Variants in RBPJ observed in about 807,000 individuals in gnomAD.
RBPJ encodes recombining binding protein suppressor of hairless.
A neutral mutation model predicts 67.8 loss-of-function variants in RBPJ; 9 were observed. The observed-to-expected ratio is 0.13, with a 90% CI of 0.08 to 0.23. The LOEUF is 0.23. Ranked by LOEUF, RBPJ falls within the 10% of genes least tolerant of loss-of-function variation. The probability of loss-of-function intolerance (pLI) is 1.00; values close to 1 mark genes in which losing one functional copy is unlikely to be tolerated. For synonymous variants in RBPJ, 198 were observed against 203.3 expected (o/e 0.97, Z 0.22); for missense variants, 305 against 595.6 (o/e 0.51, Z 5.08).
At position 26,264,128 on chromosome 4, in the gene RBPJ, C is replaced by T. The variant is rs966546193; in HGVS notation, c.-166-98318C>T. 6.6e-6 allele frequency among the ~76,000 whole-genome samples: 1 copy of T among 151,968 alleles called. No individual in the cohort carries two copies. The highest frequency in any genetic ancestry group is 2.4e-5 in the African/African-American group (1 of 41,318). On this transcript the variant is annotated intron_variant, in intron 1 of 4. Coordinates refer to the RBPJ transcript ENST00000512351. This position sits in a 1 kb window ranked among gnomAD's most constrained non-coding sequence, Gnocchi z 4.1. ...TGAACTCTCGACTCAGGTGATCCAC[C>T]CAACTCAACCTCCCAAAGTGCTGGG...
chr4:26,383,653 C>G (rs559043877), intron 1 of RBPJ, among the ~76,000 whole-genome samples: 42 of 152,204 alleles, frequency 2.8e-4, no homozygotes, highest in African/African-American at 1.0e-3. Flanking sequence ...GTACACTATT[C>G]TATATATAAC....
chr4:26,392,158 A>T (rs1449389423), intron 2 of RBPJ, among the ~76,000 whole-genome samples: 1 of 152,230 alleles, frequency 6.6e-6, no homozygotes, highest in Non-Finnish European at 1.5e-5. Context: ...ATACCTGTTA[A>T]AATGTCTGAA....
chr4:26,182,767 G>A (rs1717056254), intron 1 of RBPJ, among the ~76,000 whole-genome samples: 1 of 151,958 alleles, frequency 6.6e-6, no homozygotes, highest in South Asian at 2.1e-4. Context: ...CCAAAGTACT[G>A]CGATTACCGG....
At chr4:26,106,236 A>G in the RBPJ span, among the ~76,000 whole-genome samples, 2 of 152,256 alleles carry the variant, frequency 1.3e-5, no homozygotes, top group African/African-American at 4.8e-5. Context: ...AAAGTCAAAC[A>G]GTATTTTCCA....
chr4:26,176,349 T>C (rs1716795332), intron 1 of RBPJ, among the ~76,000 whole-genome samples: 1 of 152,164 alleles, frequency 6.6e-6, no homozygotes, highest in Admixed American at 6.5e-5. Context: ...CCAGACTCAC[T>C]GAGTTTAAAA....
At chr4:26,251,824 G>C (rs1456914989) in intron 1 of RBPJ, among the ~76,000 whole-genome samples, 1 of 143,736 alleles carries the variant, frequency 7.0e-6, no homozygotes, top group Non-Finnish European at 1.5e-5. Context: ...CTCCAGCCTG[G>C]GTGACAGAGC....
At chr4:26,131,349 T>C in the RBPJ span, among the ~76,000 whole-genome samples, 1 of 152,128 alleles carries the variant, frequency 6.6e-6, no homozygotes, top group Non-Finnish European at 1.5e-5. Context: ...AGCAATTTTT[T>C]AAAAAATGTT....
the RBPJ span, among the ~76,000 whole-genome samples, chr4:26,122,957 A>G: frequency 6.6e-6 from 1 of 152,206 alleles, no homozygotes; most frequent in African/African-American, 2.4e-5. Context: ...TAGCTGCTCT[A>G]ACAGAAACTC....
intron 1 of RBPJ, among the ~76,000 whole-genome samples, chr4:26,205,322 A>G (rs985598025): frequency 1.3e-5 from 2 of 152,204 alleles, no homozygotes; most frequent in African/African-American, 4.8e-5. Context: ...CACAGTGTAG[A>G]AGAACCCAAC....
chr4:26,115,662 A>G, the RBPJ span, among the ~76,000 whole-genome samples: 2 of 152,164 alleles, frequency 1.3e-5, no homozygotes, highest in Non-Finnish European at 2.9e-5. Flanking sequence ...GGGATTCAGT[A>G]TAAGTTTTAA....
chr4:26,200,809 A>T (rs947776923), intron 1 of RBPJ, among the ~76,000 whole-genome samples: 4 of 152,092 alleles, frequency 2.6e-5, no homozygotes, highest in Non-Finnish European at 5.9e-5. Context: ...CCTTACTGTG[A>T]TTAGGTGCTT....
chr4:26,196,652 A>C (rs1717775075), intron 1 of RBPJ, among the ~76,000 whole-genome samples: 1 of 152,244 alleles, frequency 6.6e-6, no homozygotes, highest in Non-Finnish European at 1.5e-5. Context: ...CGAATTCCAC[A>C]CTTCTTGATT....
At chr4:26,356,631 A>C (rs1023643151) in intron 1 of RBPJ, among the ~76,000 whole-genome samples, 11 of 152,178 alleles carry the variant, frequency 7.2e-5, no homozygotes, top group African/African-American at 2.7e-4. Context: ...ATCAGTGTAT[A>C]TTTAGGGTTG....
intron 1 of RBPJ, among the ~76,000 whole-genome samples, chr4:26,279,541 G>A (rs562436937): frequency 3.3e-5 from 5 of 152,270 alleles, no homozygotes; most frequent in South Asian, 2.1e-4. Flanking sequence ...CTCCCAAAGC[G>A]TTGGGATTAA....
At chr4:26,356,569 T>C (rs977673571) in intron 1 of RBPJ, among the ~76,000 whole-genome samples, 9 of 152,202 alleles carry the variant, frequency 5.9e-5, no homozygotes, top group African/African-American at 2.2e-4. Context: ...ACAGTTTGGG[T>C]TTTCTTTATC....
Position 26,296,224 on chromosome 4 carries a change from A to G in RBPJ, c.-166-66222A>G, listed in dbSNP as rs149897470. On this transcript the variant is annotated intron_variant, in intron 1 of 4. Coordinates refer to the RBPJ transcript ENST00000512351. The stretch of plus-strand genomic sequence containing the variant: ...AAAGTTCCTAATATTTGGCACAGCA[A>G]TCTCCCGCTATAATTACAGGAACAC... Among the ~76,000 whole-genome samples the G allele has an allele frequency of 6.2e-4, 94 of 152,280 alleles. 1 individual carries two copies. The highest frequency in any genetic ancestry group is 2.2e-3 in the African/African-American group (93 of 41,570).
At chr4:26,331,843 C>T (rs1724299633) in intron 1 of RBPJ, among the ~76,000 whole-genome samples, 2 of 152,132 alleles carry the variant, frequency 1.3e-5, no homozygotes, top group Admixed American at 6.5e-5. Flanking sequence ...GCTGTTTCCA[C>T]AGCCTCTGGA....
chr4:26,113,508 GA>G, the RBPJ span: 2 of 546,498 alleles, frequency 3.7e-6, no homozygotes, highest in South Asian at 1.6e-5. Flanking sequence ...AAGCAATGTG[GA>G]AAAACGTTCT....
At chr4:26,272,402 C>A (rs993052367) in intron 1 of RBPJ, among the ~76,000 whole-genome samples, 1 of 151,690 alleles carries the variant, frequency 6.6e-6, no homozygotes, top group African/African-American at 2.4e-5. Flanking sequence ...TCCATCTGTA[C>A]AAAAAAAATT....
Sources: allele counts gnomAD v4.1 joint callset (sites outside exome capture counted in the v4.1 genomes callset), GRCh38; gene constraint gnomAD v4.1.1; non-coding constraint Gnocchi (gnomAD v3.1); transcripts MANE v1.5; gene names NCBI Gene and HGNC (gene_info 2026-07-23, HGNC 2026-07-21).